FAM110B: variants seen among roughly 807,000 people sequenced by gnomAD.
FAM110B encodes the protein protein FAM110B.
In FAM110B, 6 loss-of-function variants were observed where a neutral mutation model predicts 20.4. That is an observed-to-expected ratio of 0.29 (90% confidence interval 0.16 to 0.58). The LOEUF is 0.58. Ranked by LOEUF, FAM110B falls within the 20% of genes least tolerant of loss-of-function variation. The pLI is 0.90. For missense variants in FAM110B, 434 were observed against 498.2 expected (o/e 0.87, Z 1.23); for synonymous variants, 226 against 214.1 (o/e 1.06, Z -0.49).
intron 2 of FAM110B, among the ~76,000 whole-genome samples, chr8:58,039,750 T>C (rs954721963): frequency 1.3e-5 from 2 of 151,968 alleles, no homozygotes; most frequent in African/African-American, 4.8e-5. Context: ...TATTTAAACA[T>C]ACACACACAC....
At position 58,145,265 on chromosome 8, in the gene FAM110B, GTT is replaced by G. The variant is rs144780664; in HGVS notation, c.-324-638_-324-637del. Among the ~76,000 whole-genome samples, 100 of 150,762 alleles carry G rather than the reference GTT, an allele frequency of 6.6e-4. 2 individuals are homozygous for G. In the East Asian group the frequency reaches 0.02, roughly 29 times the overall value. ...ACACATTTGTGGTTTTCAGGAGAAAGTTTTTAAATATATTGGTTGGCCAAAGT... is the reference window on the plus strand; with the variant it reads ...ACACATTTGTGGTTTTCAGGAGAAAGTTTAAATATATTGGTTGGCCAAAGT... On this transcript the variant is annotated intron_variant, in intron 3 of 3. Coordinates refer to ENST00000519262, the MANE Select transcript of FAM110B (RefSeq NM_001377989.1).
intron 2 of FAM110B, among the ~76,000 whole-genome samples, chr8:58,046,400 A>T (rs1805321257): frequency 6.6e-6 from 1 of 152,190 alleles, no homozygotes; most frequent in African/African-American, 2.4e-5. Flanking sequence ...CATTTCACAG[A>T]TGAAAAAACT....
intron 3 of FAM110B, among the ~76,000 whole-genome samples, chr8:58,076,760 A>G (rs778527981): frequency 6.6e-6 from 1 of 152,156 alleles, no homozygotes; most frequent in Non-Finnish European, 1.5e-5. Flanking sequence ...GTAAAGAGCA[A>G]CCCTCAGGAG....
chr8:58,056,113 T>C (rs1805542671), intron 2 of FAM110B, among the ~76,000 whole-genome samples: 1 of 152,256 alleles, frequency 6.6e-6, no homozygotes, highest in Non-Finnish European at 1.5e-5. Flanking sequence ...GTTGACTATG[T>C]CTGGTTTCAC....
intron 3 of FAM110B, among the ~76,000 whole-genome samples, chr8:58,121,313 G>T (rs1400705758): frequency 6.6e-6 from 1 of 152,162 alleles, no homozygotes; most frequent in African/African-American, 2.4e-5. Flanking sequence ...TCTCCTGTGG[G>T]TCTCAGAAGT....
intron 1 of FAM110B, among the ~76,000 whole-genome samples, chr8:57,997,502 CT>C (rs1423710335): frequency 3.3e-5 from 5 of 152,146 alleles, no homozygotes; most frequent in African/African-American, 7.2e-5. Flanking sequence ...CTAATCTGAA[CT>C]TTTTTTCATA....
chr8:58,042,035 A>G (rs919305531), intron 2 of FAM110B, among the ~76,000 whole-genome samples: 1 of 152,250 alleles, frequency 6.6e-6, no homozygotes, highest in African/African-American at 2.4e-5. Flanking sequence ...CCTGTTTACC[A>G]TATAAAGGCT....
chr8:58,081,486 C>T (rs149194612), intron 3 of FAM110B, among the ~76,000 whole-genome samples: 3,214 of 152,274 alleles, frequency 0.021, 117 homozygotes, highest in African/African-American at 0.072. Flanking sequence ...GGATTATAGG[C>T]GTGAGCCACC....
intron 3 of FAM110B, among the ~76,000 whole-genome samples, chr8:58,124,142 GT>G (rs1387912559): frequency 6.6e-6 from 1 of 152,150 alleles, no homozygotes. Flanking sequence ...ACATCTTACT[GT>G]TCAATAGGTT....
intron 1 of FAM110B, among the ~76,000 whole-genome samples, chr8:58,026,838 A>G (rs1361225232): frequency 2.0e-5 from 3 of 152,214 alleles, no homozygotes; most frequent in Non-Finnish European, 2.9e-5. Flanking sequence ...ATGCTTCTAC[A>G]TAGGTCACAT....
intron 3 of FAM110B, among the ~76,000 whole-genome samples, chr8:58,093,503 G>A (rs1466652023): frequency 1.3e-5 from 2 of 152,070 alleles, no homozygotes. Flanking sequence ...TATTAAATGG[G>A]GAATATTTCT....
At chr8:58,103,819 C>CT (rs140979633) in intron 3 of FAM110B, among the ~76,000 whole-genome samples, 2,250 of 152,252 alleles carry the variant, frequency 0.015, 26 homozygotes, top group East Asian at 0.062. Flanking sequence ...CATTTAATGA[C>CT]TTTTTTTGAA....
At chr8:58,113,767 A>G (rs1164413053) in intron 3 of FAM110B, 1 of 152,236 alleles carries the variant, frequency 6.6e-6, no homozygotes, top group Non-Finnish European at 1.5e-5. Context: ...TCCGACTGGA[A>G]ATGATTCATT....
intron 3 of FAM110B, among the ~76,000 whole-genome samples, chr8:58,128,180 T>G (rs939198995): frequency 1.3e-5 from 2 of 152,216 alleles, no homozygotes; most frequent in African/African-American, 4.8e-5. Flanking sequence ...GTGCTGTTAT[T>G]ATCCCATTTA....
chr8:58,002,380 A>T (rs1304337145), intron 1 of FAM110B, among the ~76,000 whole-genome samples: 1 of 152,244 alleles, frequency 6.6e-6, no homozygotes, highest in Admixed American at 6.5e-5. Context: ...TGTTAACACC[A>T]GGTACCACTT....
At chr8:58,124,258 T>G (rs1172324676) in intron 3 of FAM110B, among the ~76,000 whole-genome samples, 8 of 152,186 alleles carry the variant, frequency 5.3e-5, no homozygotes, top group Non-Finnish European at 2.9e-5. Context: ...GTAAGATGAT[T>G]TGTACTAGAG....
chr8:58,118,069 A>G (rs1256678041), intron 3 of FAM110B, among the ~76,000 whole-genome samples: 6 of 152,214 alleles, frequency 3.9e-5, no homozygotes, highest in East Asian at 3.8e-4. Context: ...GTGTTCACAA[A>G]TGTCATTAGC....
In FAM110B at chr8:58,061,013, G is replaced by C. The variant is rs140666441; in HGVS notation, c.-413-14522G>C. 6.0e-3 allele frequency among the ~76,000 whole-genome samples: 921 copies of C among 152,254 alleles called. 10 individuals are homozygous for C. The highest frequency in any genetic ancestry group is 0.02 in the African/African-American group (845 of 41,522). On this transcript the variant is annotated intron_variant, in intron 2 of 3. Coordinates refer to ENST00000519262, the MANE Select transcript of FAM110B (RefSeq NM_001377989.1). ...CAATTAAGGGCAAATAAAATTAACT[G>C]AGAGCACCCCCTCCCCCAACATACA...
chr8:58,143,058 G>A (rs1198155173), intron 3 of FAM110B, among the ~76,000 whole-genome samples: 1 of 152,182 alleles, frequency 6.6e-6, no homozygotes, highest in Non-Finnish European at 1.5e-5. Context: ...ACAAAACTCA[G>A]AGTATTTCTC....
Sources: gnomAD v4.1 joint callset for allele counts (sites outside exome capture counted in the v4.1 genomes callset) on GRCh38, gnomAD v4.1.1 for gene constraint, MANE v1.5 for transcripts, NCBI Gene and HGNC (gene_info 2026-07-23, HGNC 2026-07-21) for gene names.